FDXR: variants seen among roughly 807,000 people sequenced by gnomAD.
FDXR encodes the protein ferredoxin reductase.
Under a neutral mutation model 58.3 loss-of-function variants are expected in FDXR, and 38 were observed. The ratio of observed to expected loss-of-function variants is 0.65; its 90% CI spans 0.50 to 0.85. FDXR has a LOEUF of 0.85. FDXR is among the 40% of genes least tolerant of loss of function. The pLI, the probability that FDXR is intolerant of heterozygous loss-of-function variation, is 0.00. For missense variants in FDXR, 624 were observed against 671.0 expected (o/e 0.93, Z 0.77); for synonymous variants, 275 against 273.8 (o/e 1.00, Z -0.04).
chr17:74,865,790 C>G lies in FDXR; in HGVS notation c.538G>C (p.Val180Leu). The G allele has an allele frequency of 6.2e-7, 1 of 1,613,676 alleles. No homozygotes were observed. Among genetic ancestry groups the G allele is most frequent in the Non-Finnish European group, 8.5e-7 (1 of 1,179,938 alleles). The change falls in exon 6 of 12, where the codon GTG becomes CTG. Residue 180 changes from valine (V) to leucine (L), a missense_variant. By Grantham distance (32) the Val-to-Leu change is conservative (BLOSUM62 1). Coordinates refer to ENST00000293195, the MANE Select transcript of FDXR (RefSeq NM_024417.5). ...LEPDLSCDTAVILGQGNVALD... is the reference protein window; with the variant it reads ...LEPDLSCDTALILGQGNVALD... ...GCCACGTTCCCCTGCCCCAGAATCA[C>G]GGCTGTGTCACAGCTCAGGTCTGGC...
Position 74,862,905 on chromosome 17 carries a change from G to A in FDXR, c.1388C>T (p.Ala463Val). 6.2e-7 allele frequency: 1 copy of A among 1,613,016 alleles called. No homozygotes were observed. The highest frequency in any genetic ancestry group is 8.5e-7 in the Non-Finnish European group (1 of 1,179,994). ...VSFSDWEKLD[A>V]EEVARGQGTG... is the part of the protein sequence containing the mutation. Reference sequence around the variant, plus strand: ...GCCCTGGCCCCGGGCCACCTCCTCGGCATCCAGCTTCTCCCAGTCTGAGAA... The same window carrying A: ...GCCCTGGCCCCGGGCCACCTCCTCGACATCCAGCTTCTCCCAGTCTGAGAA... The change falls in exon 12 of 12, where the codon GCC becomes GTC. Residue 463 changes from alanine (A) to valine (V), a missense_variant. Transcript: ENST00000293195.
rs1174929344 is a variant in FDXR at position 74,867,022 on chromosome 17, C to T, written c.178-146G>A. On this transcript the variant is annotated intron_variant, in intron 2 of 11. Transcript: ENST00000293195. ...TTCCACCCTCTGCAAGGAAAAAGAG[C>T]ACTCACTCCTTGGGTGGCTCGCGCC... The T allele has an allele frequency of 2.0e-6, 3 of 1,473,842 alleles. 1 individual carries two copies. The highest frequency in any genetic ancestry group is 3.6e-4 in the Middle Eastern group (2 of 5,610). The allele number at this position is 1,473,842 out of a possible 1,614,324, so 91.3% of individuals were successfully genotyped here.
rs370091023 is a variant in FDXR, at chr17:74,862,938, G to A, written c.1355C>T (p.Pro452Leu). Residue 452 changes from proline (P) to leucine (L), a missense_variant, in exon 12 of 12, where the codon CCA becomes CTA. Coordinates refer to ENST00000293195, the MANE Select transcript of FDXR (RefSeq NM_024417.5). The part of the protein sequence containing the change: ...QALLSSRGVR[P>L]VSFSDWEKLD... ...CTTCTCCCAGTCTGAGAAAGAGACT[G>A]GCCGGACCCCTGAAGCAGAGGGGAG... is the stretch of plus-strand genomic sequence containing the variant. 5 of 1,612,012 alleles carry A rather than the reference G, an allele frequency of 3.1e-6. No individual in the cohort carries two copies. The highest frequency in any genetic ancestry group is 1.3e-5 in the African/African-American group (1 of 75,064).
At chr17:74,868,113 C>T (rs902722) in intron 2 of FDXR, 22 of 214,582 alleles carry the variant, frequency 1.0e-4, no homozygotes, top group Admixed American at 9.4e-4. Context: ...CCTTCCCCTC[C>T]ACTCCCCTGC....
intron 11 of FDXR, 45 bp downstream of exon 11, chr17:74,863,031 G>A: frequency 1.2e-6 from 2 of 1,602,288 alleles, no homozygotes; most frequent in Non-Finnish European, 1.7e-6. Context: ...CCCAGAGAAG[G>A]ACCACCCACC....
Position 74,864,538 on chromosome 17 carries a change from C to T in FDXR, c.744G>A (p.Pro248=), listed in dbSNP as rs545500381. 1.7e-5 allele frequency: 28 copies of T among 1,614,076 alleles called. No homozygotes were observed. The highest frequency in any genetic ancestry group is 1.5e-4 in the Admixed American group (9 of 60,014). ...IKELREMIQL[P]GARPILDPVD... ...CAGGATCCAAAATGGGCCGGGCTCC[C>T]GGTAACTGAATCATCTCCCGAAGCT... Residue 248 remains proline, a synonymous_variant, in exon 8 of 12, where the codon CCG becomes CCA. Transcript: ENST00000293195.
chr17:74,867,932 A>AAAGCAGTC (rs1446667811), intron 2 of FDXR, among the ~76,000 whole-genome samples: 2 of 152,254 alleles, frequency 1.3e-5, no homozygotes, highest in Admixed American at 1.3e-4. Context: ...GGTTAGCAGT[A>AAAGCAGTC]AAGCAGTCAG....
intron 2 of FDXR, chr17:74,869,901 G>T (rs1353440355): frequency 6.8e-6 from 3 of 440,632 alleles, no homozygotes; most frequent in African/African-American, 6.0e-5. Context: ...TGCCATCCCT[G>T]CTCCACGGTG....
chr17:74,864,677 A>G, intron 7 of FDXR, 113 bp from the exon 8 acceptor site: 4 of 1,424,096 alleles, frequency 2.8e-6, no homozygotes, highest in Non-Finnish European at 3.9e-6. Flanking sequence ...CCTCCTCCCC[A>G]AAGGCACAGG....
rs368931937 is a variant in FDXR, at chr17:74,866,222, C to A, written c.416G>T (p.Arg139Leu). The change falls in exon 5 of 12, where the codon CGG (arginine) becomes CTG (leucine). Residue 139 changes from arginine (R) to leucine (L), a missense_variant. By Grantham distance (102) the Arg-to-Leu change is moderately radical. Transcript: ENST00000293195. The part of the protein sequence containing the change: ...VVLSYGAEDH[R>L]ALEIPGEELP... ...CTCCTCACCAGGAATTTCCAGGGCC[C>A]GATGGTCCTCTGCCCCGTAGCTCTG... 1 of 1,613,890 alleles carries A rather than the reference C, an allele frequency of 6.2e-7. No homozygotes were observed. Among genetic ancestry groups the A allele is most frequent in the Non-Finnish European group, 8.5e-7 (1 of 1,179,942 alleles).
intron 10 of FDXR, 45 bp from the exon 11 acceptor site, chr17:74,863,291 AC>A: frequency 6.4e-7 from 1 of 1,555,718 alleles, no homozygotes; most frequent in Non-Finnish European, 8.7e-7. Context: ...GTGGCTGGAT[AC>A]CACCCTGGCC....
At chr17:74,863,374 G>A (rs2038045706) in intron 10 of FDXR, 128 bp from the exon 11 acceptor site, 2 of 918,390 alleles carry the variant, frequency 2.2e-6, no homozygotes, top group African/African-American at 1.7e-5. Flanking sequence ...ACTGTCGGCT[G>A]AGCCTGCTGT....
At chr17:74,865,414 GA>G (rs1342846739) in intron 6 of FDXR, among the ~76,000 whole-genome samples, 23 of 152,144 alleles carry the variant, frequency 1.5e-4, no homozygotes, top group African/African-American at 5.6e-4. Context: ...ACCGAGCCAA[GA>G]TCTCAAAGAT....
In FDXR at chr17:74,862,639, C is replaced by T. The variant is rs1598508213; in HGVS notation, c.*178G>A. The T allele has an allele frequency of 1.2e-6, 1 of 829,208 alleles. No homozygotes were observed. The highest frequency in any genetic ancestry group is 1.7e-5 in the African/African-American group (1 of 58,474). 51.4% of individuals were successfully genotyped at this position (829,208 alleles called of 1,614,324 possible). On this transcript the variant is annotated 3_prime_UTR_variant, in exon 12 of 12. Coordinates refer to ENST00000293195, the MANE Select transcript of FDXR (RefSeq NM_024417.5). ...TTACCTCAGTTGCTGAAAGCTAAAA[C>T]CTTGCGCGCAAGGGCGACCTTCCCC...
At chr17:74,872,493 C>G in intron 1 of FDXR, 3 of 618,064 alleles carry the variant, frequency 4.9e-6, no homozygotes, top group East Asian at 2.8e-5. Flanking sequence ...CCTCCTCTAA[C>G]CCCTCTCTCT....
rs750134403 is a variant in FDXR, at chr17:74,862,890, C to G, written c.1403G>C (p.Arg468Pro). The change falls in exon 12 of 12, where the codon CGG becomes CCG. Residue 468 changes from arginine to proline, a missense_variant. Transcript: ENST00000293195. ...WEKLDAEEVA[R>P]GQGTGKPREK... ...CCTGGGCTTCCCCGTGCCCTGGCCC[C>G]GGGCCACCTCCTCGGCATCCAGCTT... The G allele has an allele frequency of 6.2e-7, 1 of 1,613,058 alleles. No homozygotes were observed. The highest frequency in any genetic ancestry group is 1.1e-5 in the South Asian group (1 of 91,090).
At position 74,872,472 on chromosome 17, in the gene FDXR, C is replaced by T. The variant is rs2038406357; in HGVS notation, c.80-339G>A. The T allele has an allele frequency of 4.4e-5, 28 of 631,858 alleles. No homozygotes were observed. The Admixed American group carries it at 8.3e-4, about 19-fold the overall frequency. 39.1% of individuals were successfully genotyped at this position (631,858 alleles called of 1,614,324 possible). A position where few individuals can be genotyped will look rare whatever the true frequency, so the allele number is the denominator to read the frequency against. On this transcript the variant is annotated intron_variant, in intron 1 of 11. Coordinates refer to ENST00000293195, the MANE Select transcript of FDXR (RefSeq NM_024417.5). ...TCCCAATCTCGCCCCCGTGGGTCTC[C>T]CCACGGTGTCCCTCCTCTAACCCCT...
At position 74,866,198 on chromosome 17, in the gene FDXR, T is replaced by TA; in HGVS notation, c.439_440insT (p.Glu147ValfsTer20). 1 of 1,613,986 alleles carries TA rather than the reference T, an allele frequency of 6.2e-7. No homozygotes were observed. Among genetic ancestry groups the TA allele is most frequent in the Non-Finnish European group, 8.5e-7 (1 of 1,179,994 alleles). ...CCGGGCGGAGCACACACCTGGCAGC[T>TA]CCTCACCAGGAATTTCCAGGGCCCG... On this transcript the variant is annotated frameshift_variant, in exon 5 of 12. Coordinates refer to ENST00000293195, the MANE Select transcript of FDXR (RefSeq NM_024417.5). LOFTEE classifies it high-confidence loss of function.
Position 74,864,131 on chromosome 17 carries a change from G to A in FDXR, c.1002+17C>T, listed in dbSNP as rs552432. On this transcript the variant is annotated intron_variant, in intron 9 of 11. Transcript: ENST00000293195. ...GAGGCCTGGGAAGGGGGTGTCTTTG[G>A]GAAACATGAGACTCACCTCCAGTCT... 0.74 allele frequency: 1,198,642 copies of A among 1,612,686 alleles called. 448,150 individuals carry two copies. The highest frequency in any genetic ancestry group is 0.82 in the Admixed American group (49,414 of 60,004).
Sources: gnomAD v4.1 joint callset for allele counts (sites outside exome capture counted in the v4.1 genomes callset) on GRCh38, gnomAD v4.1.1 for gene constraint, MANE v1.5 for transcripts, NCBI Gene and HGNC (gene_info 2026-07-23, HGNC 2026-07-21) for gene names.